The following KANTR variants were observed in gnomAD, a reference collection of about 807,000 sequenced individuals.
KANTR encodes the protein KANTR integral membrane protein.
chrX:53,103,361 A>G (rs941032181), intron 2 of KANTR, among the ~76,000 whole-genome samples: 7 of 109,798 alleles, frequency 6.4e-5, no homozygotes, highest in East Asian at 5.7e-4. Context: ...AGTACCTCCT[A>G]TTTTTCTAGC....
At chrX:53,144,451 T>C (rs782643758), downstream of KANTR, among the ~76,000 whole-genome samples, 3 of 111,524 alleles carry the variant, frequency 2.7e-5, no homozygotes, top group Non-Finnish European at 5.7e-5. Context: ...ATCCCAGCAC[T>C]TTGGGAGGCT....
chrX:53,136,693 CATATAT>C (rs58263602), intron 2 of KANTR, among the ~76,000 whole-genome samples: 517 of 9,292 alleles, frequency 0.056, 56 homozygotes, highest in East Asian at 0.075. Context: ...CCACGCCCGG[CATATAT>C]ATATATATAT....
At chrX:53,128,319 A>G (rs1345519584), downstream of KANTR, among the ~76,000 whole-genome samples, 2 of 111,630 alleles carry the variant, frequency 1.8e-5, no homozygotes, top group African/African-American at 6.5e-5. Context: ...CAGAACCGTA[A>G]TTTCAGGGCA....
intron 1 of KANTR, among the ~76,000 whole-genome samples, chrX:53,099,015 A>G (rs1407293446): frequency 4.6e-5 from 5 of 109,317 alleles, no homozygotes; most frequent in African/African-American, 1.7e-4. Context: ...ATGTGCCACC[A>G]TGCCCAGCTA....
At chrX:53,101,391 A>G (rs1486831674) in intron 2 of KANTR, among the ~76,000 whole-genome samples, 1 of 111,424 alleles carries the variant, frequency 9.0e-6, no homozygotes, top group African/African-American at 3.3e-5. Flanking sequence ...GGACTGTGTG[A>G]GCCGAGGAGT....
At chrX:53,104,351 C>T (rs1446465959) in intron 2 of KANTR, among the ~76,000 whole-genome samples, 4 of 109,739 alleles carry the variant, frequency 3.6e-5, no homozygotes, top group Non-Finnish European at 7.6e-5. Context: ...CTCAGCCTCC[C>T]GAGTAACTGG....
intron 2 of KANTR, among the ~76,000 whole-genome samples, chrX:53,100,756 C>T (rs1316150735): frequency 8.9e-6 from 1 of 111,988 alleles, no homozygotes; most frequent in Non-Finnish European, 1.9e-5. Context: ...CGAGATCGCA[C>T]CACTGCATTC....
downstream of KANTR, chrX:53,142,996 C>T (rs782608971): frequency 3.7e-5 from 42 of 1,124,681 alleles, no homozygotes; most frequent in East Asian, 1.1e-3. Context: ...CGTGGTGATG[C>T]CAGGGCACAT....
At chrX:53,102,065 A>G (rs1932899745) in intron 2 of KANTR, among the ~76,000 whole-genome samples, 1 of 111,562 alleles carries the variant, frequency 9.0e-6, no homozygotes, top group Non-Finnish European at 1.9e-5. Flanking sequence ...AAGTTTTGAA[A>G]TGTGAAAATT....
At chrX:53,107,615 T>C (rs188206641) in intron 2 of KANTR, among the ~76,000 whole-genome samples, 1 of 110,296 alleles carries the variant, frequency 9.1e-6, no homozygotes, top group Admixed American at 9.6e-5. Context: ...GTTTTCAGTA[T>C]ACAAGTCTTG....
Position 53,142,385 on chromosome X carries a change from G to A in KANTR, n.741G>A, listed in dbSNP as rs1459799553. On this transcript the variant is annotated non_coding_transcript_exon_variant, in exon 3 of 3. Transcript: ENST00000366185. ...GGCTGGAGTGCAGTGGTGCAATCTC[G>A]GCTCACCACAACCTCTGCCTCCCAG... is the stretch of plus-strand genomic sequence containing the variant. The A allele has an allele frequency of 8.0e-5, 11 of 138,193 alleles. No individual in the cohort carries two copies. In the Admixed American group the frequency reaches 8.0e-4, roughly 10 times the overall value. The allele number at this position is 138,193 out of a possible 1,213,427, so 11.4% of individuals were successfully genotyped here.
chrX:53,118,558 C>T (rs917855949), intron 2 of KANTR, among the ~76,000 whole-genome samples: 1 of 110,382 alleles, frequency 9.1e-6, no homozygotes, highest in African/African-American at 3.3e-5. Flanking sequence ...CCCAGGAGTT[C>T]GAGACCAGAC....
exon 3 of KANTR, chrX:53,124,680 G>T: frequency 3.7e-6 from 1 of 272,208 alleles, no homozygotes; most frequent in Non-Finnish European, 6.5e-6. Context: ...TGACCTGTAA[G>T]TTATATAGAA....
intron 1 of KANTR, among the ~76,000 whole-genome samples, chrX:53,097,909 G>C (rs1932858220): frequency 9.4e-6 from 1 of 106,189 alleles, no homozygotes. Flanking sequence ...AAATTAGCTG[G>C]GTGTGGTGGC....
At chrX:53,140,098 C>T (rs111803709) in intron 2 of KANTR, among the ~76,000 whole-genome samples, 4,445 of 112,216 alleles carry the variant, frequency 0.04, 231 homozygotes, top group African/African-American at 0.14. Flanking sequence ...TGCCAAGTGG[C>T]GGTGGGGGTG....
At chrX:53,101,804 C>T (rs782205209) in intron 2 of KANTR, among the ~76,000 whole-genome samples, 1 of 111,573 alleles carries the variant, frequency 9.0e-6, no homozygotes, top group Admixed American at 9.5e-5. Context: ...TCAAGACCAG[C>T]GTGGGCAAGA....
chrX:53,096,758 A>G (rs1932847841), intron 1 of KANTR, among the ~76,000 whole-genome samples: 1 of 110,383 alleles, frequency 9.1e-6, no homozygotes, highest in Non-Finnish European at 1.9e-5. Flanking sequence ...CCCAGGAGGC[A>G]GAGGTTACAG....
chrX:53,143,519 A>C (rs782200685), downstream of KANTR: 822 of 607,714 alleles, frequency 1.4e-3, 1 homozygote, highest in Non-Finnish European at 1.9e-3. Context: ...GGCCACATAC[A>C]TGGCTGGGGT....
exon 3 of KANTR, chrX:53,127,307 G>C (rs1233114829): frequency 8.9e-6 from 1 of 112,120 alleles, no homozygotes; most frequent in Admixed American, 9.5e-5. Context: ...ATTGTGGTTA[G>C]TGTTCGTCTC....
Sources: gnomAD v4.1 joint callset for allele counts (sites outside exome capture counted in the v4.1 genomes callset) on GRCh38, gnomAD v4.1.1 for gene constraint, MANE v1.5 for transcripts, NCBI Gene and HGNC (gene_info 2026-07-23, HGNC 2026-07-21) for gene names.